The following PRR19 variants were observed in gnomAD, a reference collection of about 807,000 sequenced individuals.
PRR19 encodes proline rich 19.
In PRR19, 9 loss-of-function variants were observed where a neutral mutation model predicts 19.2. That is an observed-to-expected ratio of 0.47 (90% CI 0.28 to 0.82). PRR19 has a LOEUF of 0.82. PRR19 is among the 40% of genes least tolerant of loss of function. PRR19 has a pLI of 0.11. For missense variants in PRR19, 457 were observed against 466.0 expected, an observed-to-expected ratio of 0.98 and a Z score of 0.18; for synonymous variants, 190 against 191.0, an observed-to-expected ratio of 0.99 and a Z score of 0.04.
At chr19:42,303,921 A>G (rs1416528580) in intron 1 of PRR19, among the ~76,000 whole-genome samples, 3 of 152,136 alleles carry the variant, frequency 2.0e-5, no homozygotes, top group Non-Finnish European at 2.9e-5. Context: ...GCAAGCAGAA[A>G]GAAAAGACAC....
intron 1 of PRR19, among the ~76,000 whole-genome samples, chr19:42,304,546 C>A (rs1435667962): frequency 6.7e-6 from 1 of 148,900 alleles, no homozygotes; most frequent in South Asian, 2.1e-4. Flanking sequence ...AGGTCAGGAT[C>A]GAGACCATCC....
chr19:42,305,592 T>A lies in PRR19; in HGVS notation c.-7+3089T>A, dbSNP rs766314597. 7.2e-5 allele frequency among the ~76,000 whole-genome samples: 11 copies of A among 152,304 alleles called. 2 individuals are homozygous for A. Among genetic ancestry groups the A allele is most frequent in the Admixed American group, 5.2e-4 (8 of 15,288 alleles). Reference sequence around the variant, plus strand: ...CATACCCAACCGAGAAAAAAATTTTTAAAAATAAAGTCTTAGAGGATAAGT... The same window carrying A: ...CATACCCAACCGAGAAAAAAATTTTAAAAAATAAAGTCTTAGAGGATAAGT... On this transcript the variant is annotated intron_variant, in intron 1 of 2. Transcript: ENST00000341747.
chr19:42,304,080 C>T (rs1050922301), intron 1 of PRR19, among the ~76,000 whole-genome samples: 10 of 149,074 alleles, frequency 6.7e-5, no homozygotes, highest in Non-Finnish European at 1.3e-4. Context: ...ACCAGCCTGG[C>T]CAACATGGCG....
At chr19:42,305,558 G>A (rs974769989) in intron 1 of PRR19, among the ~76,000 whole-genome samples, 3 of 152,124 alleles carry the variant, frequency 2.0e-5, no homozygotes, top group East Asian at 1.9e-4. Flanking sequence ...GATTACAGGC[G>A]TGAGCCACCA....
rs551149948 is a variant in PRR19, at chr19:42,306,364, G to A, written c.-6-3215G>A. 7.9e-5 allele frequency among the ~76,000 whole-genome samples: 12 copies of A among 151,752 alleles called. No homozygotes were observed. In the South Asian group the frequency reaches 8.3e-4, roughly 11 times the overall value. On this transcript the variant is annotated intron_variant, in intron 1 of 2. Transcript: ENST00000341747. The stretch of plus-strand genomic sequence containing the variant: ...AATTTTTTGTATTTTTAGTAGAGAC[G>A]GGGTTTCACCGTGTTAGCCAGGATG...
rs558893710 is a variant in PRR19 at position 42,302,810 on chromosome 19, G to T, written c.-7+307G>T. The T allele has an allele frequency of 2.2e-5, 3 of 137,612 alleles. 1 individual carries two copies. In the South Asian group the frequency reaches 7.9e-4, roughly 36 times the overall value. The allele number at this position is 137,612 out of a possible 1,614,324, so 8.5% of individuals were successfully genotyped here. ...GGAAGGGACCACCTACTGTTGCGGGGGGGGGGGTGACCCATTCACGTGGTG... is the reference window on the plus strand; with the variant it reads ...GGAAGGGACCACCTACTGTTGCGGGTGGGGGGGTGACCCATTCACGTGGTG... On this transcript the variant is annotated intron_variant, in intron 1 of 2. Coordinates refer to ENST00000341747, the MANE Select transcript of PRR19 (RefSeq NM_199285.3).
intron 1 of PRR19, among the ~76,000 whole-genome samples, chr19:42,306,261 C>T (rs2038705430): frequency 6.6e-6 from 1 of 152,252 alleles, no homozygotes; most frequent in Non-Finnish European, 1.5e-5. Flanking sequence ...GCAAGCTCCG[C>T]CTCCCGGGTT....
intron 1 of PRR19, among the ~76,000 whole-genome samples, chr19:42,306,747 G>A (rs891276336): frequency 1.3e-5 from 2 of 152,308 alleles, no homozygotes; most frequent in Middle Eastern, 3.4e-3. Flanking sequence ...GAACCAATCA[G>A]CATTCAGGAA....
rs376284106 is a variant in PRR19, at chr19:42,310,264, G to A, written c.602-7G>A. The A allele has an allele frequency of 4.2e-5, 68 of 1,613,896 alleles. No homozygotes were observed. The highest frequency in any genetic ancestry group is 5.3e-5 in the Non-Finnish European group (63 of 1,179,984). ...GCTAGCCTCTATGCTTCTTTCCTCT[G>A]TGCCAGGGGCCAAGCCTGGGGTCTC... On this transcript the variant is annotated splice_region_variant and splice_polypyrimidine_tract_variant and intron_variant, in intron 2 of 2. Coordinates refer to ENST00000341747, the MANE Select transcript of PRR19 (RefSeq NM_199285.3).
rs537932412 is a variant in PRR19, at chr19:42,308,460, G to A, written c.-6-1119G>A. On this transcript the variant is annotated intron_variant, in intron 1 of 2. Transcript: ENST00000341747. The stretch of plus-strand genomic sequence containing the variant: ...GTCACTCAGGTTGAAGCGCAGTGGC[G>A]CAATCTCGGCTTACTGCAACCTCCG... Among the ~76,000 whole-genome samples, 17 of 148,504 alleles carry A rather than the reference G, an allele frequency of 1.1e-4. No homozygotes were observed. The South Asian group carries it at 1.7e-3, about 15-fold the overall frequency.
chr19:42,309,491 A>G (rs184117479), intron 1 of PRR19, 88 bp from the exon 2 acceptor site: 2 of 1,030,396 alleles, frequency 1.9e-6, no homozygotes, highest in Admixed American at 4.7e-5. Flanking sequence ...TTACAGGCAT[A>G]AGCCACCGCG....
rs1298243826 is a variant in PRR19, at chr19:42,310,576, G to T, written c.907G>T (p.Val303Phe). ...ATPPPPRPWG[V>F]GLPQPLPQPS... ...GCCACCCCCTCCTCGGCCCTGGGGG[G>T]TTGGCCTCCCTCAGCCCCTGCCTCA... Residue 303 changes from valine (V) to phenylalanine (F), a missense_variant, in exon 3 of 3, where the codon GTT becomes TTT. By Grantham distance (50) the Val-to-Phe change is conservative. Transcript: ENST00000341747. 6 of 1,613,814 alleles carry T rather than the reference G, an allele frequency of 3.7e-6. No individual in the cohort carries two copies. The Admixed American group carries it at 1.0e-4, about 27-fold the overall frequency.
At position 42,310,089 on chromosome 19, in the gene PRR19, G is replaced by T; in HGVS notation, c.505G>T (p.Asp169Tyr). The change falls in exon 2 of 3, where the codon GAT becomes TAT. Residue 169 changes from aspartate to tyrosine, a missense_variant. Coordinates refer to ENST00000341747, the MANE Select transcript of PRR19 (RefSeq NM_199285.3). ...CTTCCCCCGGAGGAACCTGATTCAG[G>T]ATGCCAGGGATGCCATCGTGCACAC... Reference protein sequence around the residue: ...QAFPRRNLIQDARDAIVHTLQ... With the variant: ...QAFPRRNLIQYARDAIVHTLQ... 4 of 1,614,080 alleles carry T rather than the reference G, an allele frequency of 2.5e-6. No individual in the cohort carries two copies. The highest frequency in any genetic ancestry group is 3.4e-6 in the Non-Finnish European group (4 of 1,179,998).
Position 42,310,500 on chromosome 19 carries a change from G to C in PRR19, c.831G>C (p.Trp277Cys). The C allele has an allele frequency of 6.2e-7, 1 of 1,614,184 alleles. No individual in the cohort carries two copies. Residue 277 changes from tryptophan (W) to cysteine (C), a missense_variant, in exon 3 of 3, where the codon TGG (tryptophan) becomes TGC (cysteine). Coordinates refer to ENST00000341747, the MANE Select transcript of PRR19 (RefSeq NM_199285.3). ...TGTCTTCGCCATCTGGAACAGCCTG[G>C]GGTCCCCCAACAGCGTTTGACTTGT... ...PSLSSPSGTA[W>C]GPPTAFDLLK...
chr19:42,304,074 G>T (rs1287474416), intron 1 of PRR19, among the ~76,000 whole-genome samples: 3 of 148,992 alleles, frequency 2.0e-5, no homozygotes, highest in Non-Finnish European at 4.5e-5. Context: ...AGGTCAACCA[G>T]CCTGGCCAAC....
In PRR19 at chr19:42,310,393, C is replaced by A; in HGVS notation, c.724C>A (p.Pro242Thr). ...GACAAAGGAGTTCACCTTCCCCATGCCCTACACCTCCAGCATGCCCACTGC... is the reference window on the plus strand; with the variant it reads ...GACAAAGGAGTTCACCTTCCCCATGACCTACACCTCCAGCATGCCCACTGC... ...QGTKEFTFPM[P>T]YTSSMPTAHR... Residue 242 changes from proline (P) to threonine (T), a missense_variant, in exon 3 of 3, where the codon CCC becomes ACC. Pro to Thr is a conservative substitution (Grantham distance 38). Transcript: ENST00000341747. 8.1e-6 allele frequency: 13 copies of A among 1,614,186 alleles called. No individual in the cohort carries two copies. Among genetic ancestry groups the A allele is most frequent in the Non-Finnish European group, 1.0e-5 (12 of 1,180,014 alleles).
rs769639288 is a variant in PRR19, at chr19:42,310,612, C to T, written c.943C>T (p.Pro315Ser). ...TCAGCCCCTGCCTCAGCCTTCATCA[C>T]CCCTGTTGCCCCGAACCTCTGTCCT... ...LPQPLPQPSS[P>S]LLPRTSVLDW... Residue 315 changes from proline (P) to serine (S), a missense_variant, in exon 3 of 3, where the codon CCC becomes TCC. Transcript: ENST00000341747. 1 of 1,614,032 alleles carries T rather than the reference C, an allele frequency of 6.2e-7. No homozygotes were observed. Among genetic ancestry groups the T allele is most frequent in the Non-Finnish European group, 8.5e-7 (1 of 1,179,986 alleles).
chr19:42,309,731 T>C lies in PRR19; in HGVS notation c.147T>C (p.Ile49=). The C allele has an allele frequency of 6.2e-7, 1 of 1,607,526 alleles. No homozygotes were observed. Among genetic ancestry groups the C allele is most frequent in the South Asian group, 1.1e-5 (1 of 90,780 alleles). The change falls in exon 2 of 3, where the codon ATT becomes ATC. Residue 49 remains isoleucine (I), a synonymous_variant. Coordinates refer to ENST00000341747, the MANE Select transcript of PRR19 (RefSeq NM_199285.3). ...CCCACCACGATCCTCCTGTGGCCAT[T>C]CGGGATCCACCTGTGGTCCCTACTG... ...PLAHHDPPVA[I]RDPPVVPTAS...
intron 1 of PRR19, among the ~76,000 whole-genome samples, chr19:42,304,191 C>G (rs10412833): frequency 0.081 from 12,254 of 151,058 alleles, 633 homozygotes; most frequent in Middle Eastern, 0.17. Context: ...TGAGGCAGGA[C>G]AATTGCTTGA....
Sources: gnomAD v4.1 joint callset for allele counts (sites outside exome capture counted in the v4.1 genomes callset) on GRCh38, gnomAD v4.1.1 for gene constraint, MANE v1.5 for transcripts, NCBI Gene and HGNC (gene_info 2026-07-23, HGNC 2026-07-21) for gene names.